Variants in ZNF292 observed in about 807,000 individuals in gnomAD.
The protein encoded by ZNF292 is zinc finger protein 292, also known as 16 zinc-finger domain protein.
Under a neutral mutation model 217.9 loss-of-function variants are expected in ZNF292, and 26 were observed. The observed-to-expected ratio is 0.12, with a 90% confidence interval of 0.09 to 0.17. The LOEUF is 0.17. Among genes scored for constraint, ZNF292 ranks in the 10% least tolerant of loss-of-function variants. The pLI is 1.00. For synonymous variants in ZNF292, 1,257 were observed against 1,124.1 expected, an observed-to-expected ratio of 1.12 and a Z score of -2.37; for missense variants, 2,904 against 3,175.2, an observed-to-expected ratio of 0.91 and a Z score of 2.05.
In ZNF292 at chr6:87,256,043, A is replaced by G. The variant is rs1775190720; in HGVS notation, c.2414A>G (p.Asn805Ser). The G allele has an allele frequency of 1.2e-6, 2 of 1,609,356 alleles. No individual in the cohort carries two copies. The highest frequency in any genetic ancestry group is 2.2e-5 in the East Asian group (1 of 44,814). The part of the protein sequence containing the change: ...LLYDHEAQHY[N>S]TYTCKFTGCG... ...TATGATCATGAAGCACAACATTATAATACGTACACTTGTAAGTTCACAGGT... is the reference window on the plus strand; with the variant it reads ...TATGATCATGAAGCACAACATTATAGTACGTACACTTGTAAGTTCACAGGT... Residue 805 changes from asparagine to serine, a missense_variant, in exon 8 of 8, where the codon AAT becomes AGT. Coordinates refer to ENST00000369577, the MANE Select transcript of ZNF292 (RefSeq NM_015021.3).
chr6:87,191,451 A>C (rs1771818970), intron 1 of ZNF292, among the ~76,000 whole-genome samples: 1 of 152,218 alleles, frequency 6.6e-6, no homozygotes, highest in African/African-American at 2.4e-5. Context: ...GTTTGTGTCA[A>C]GATACCCTTA....
Position 87,257,658 on chromosome 6 carries a change from T to G in ZNF292, c.4029T>G (p.Val1343=). The stretch of plus-strand genomic sequence containing the variant: ...CCCAACAGTCTGCACCTGAAAAAGT[T>G]AAAAAAGACCGTGGGCGGGGCCCAA... ...TNAQQSAPEK[V]KKDRGRGPNG... Residue 1343 remains valine, a synonymous_variant, in exon 8 of 8, where the codon GTT becomes GTG. Transcript: ENST00000369577. 1.9e-6 allele frequency: 3 copies of G among 1,610,174 alleles called. No individual in the cohort carries two copies. Among genetic ancestry groups the G allele is most frequent in the Non-Finnish European group, 2.5e-6 (3 of 1,178,020 alleles).
chr6:87,261,476 A>T lies in ZNF292; in HGVS notation c.7847A>T (p.Asn2616Ile). 6.2e-7 allele frequency: 1 copy of T among 1,604,558 alleles called. No individual in the cohort carries two copies. The highest frequency in any genetic ancestry group is 8.5e-7 in the Non-Finnish European group (1 of 1,174,892). ...AAAAATACTGACAAAGACCATCCGAATACTGGAAACAAAAAAGGATCCCAT... is the reference window on the plus strand; with the variant it reads ...AAAAATACTGACAAAGACCATCCGATTACTGGAAACAAAAAAGGATCCCAT... ...QKKNTDKDHP[N>I]TGNKKGSHSN... Residue 2616 changes from asparagine (N) to isoleucine (I), a missense_variant, in exon 8 of 8, where the codon AAT becomes ATT. Transcript: ENST00000369577.
At chr6:87,178,272 C>T (rs1475361354) in intron 1 of ZNF292, among the ~76,000 whole-genome samples, 1 of 152,096 alleles carries the variant, frequency 6.6e-6, no homozygotes, top group African/African-American at 2.4e-5. Context: ...AGGGAACATG[C>T]CTAGTTTGCT....
intron 4 of ZNF292, among the ~76,000 whole-genome samples, chr6:87,220,246 A>G (rs1773015238): frequency 6.6e-6 from 1 of 152,096 alleles, no homozygotes; most frequent in South Asian, 2.1e-4. Flanking sequence ...ATACTTTCTG[A>G]TCTTCTCAGC....
intron 4 of ZNF292, among the ~76,000 whole-genome samples, chr6:87,228,013 T>C (rs1773445715): frequency 6.6e-6 from 1 of 152,166 alleles, no homozygotes; most frequent in Non-Finnish European, 1.5e-5. Context: ...TTTGAGGAAC[T>C]TCTGTACTGT....
chr6:87,214,225 A>G (rs765677274), intron 1 of ZNF292, among the ~76,000 whole-genome samples: 1 of 152,172 alleles, frequency 6.6e-6, no homozygotes, highest in African/African-American at 2.4e-5. Flanking sequence ...ACCAGCTACA[A>G]TGTCATTTGT....
chr6:87,196,027 C>CAAAA (rs147308020), intron 1 of ZNF292, among the ~76,000 whole-genome samples: 1 of 95,812 alleles, frequency 1.0e-5, no homozygotes, highest in African/African-American at 3.7e-5. Context: ...GACTCCGTCT[C>CAAAA]AAAAAAAAAA....
At chr6:87,252,606 T>C (rs918650122) in intron 7 of ZNF292, among the ~76,000 whole-genome samples, 4 of 152,242 alleles carry the variant, frequency 2.6e-5, no homozygotes, top group African/African-American at 9.6e-5. Context: ...CTTTATGGTT[T>C]ACTTGGCCCT....
At chr6:87,156,016 C>G (rs1223114015) in intron 1 of ZNF292, among the ~76,000 whole-genome samples, 2 of 152,222 alleles carry the variant, frequency 1.3e-5, no homozygotes, top group African/African-American at 4.8e-5. Context: ...TCCCTGAACT[C>G]GGGACTGCGC....
intron 5 of ZNF292, 129 bp from the exon 6 acceptor site, chr6:87,243,346 A>G (rs1774407618): frequency 1.6e-6 from 1 of 637,270 alleles, no homozygotes; most frequent in African/African-American, 1.9e-5. Flanking sequence ...AACTGACTTG[A>G]TAGTGTATGA....
intron 7 of ZNF292, among the ~76,000 whole-genome samples, chr6:87,247,841 A>G (rs1331523249): frequency 6.6e-6 from 1 of 152,236 alleles, no homozygotes; most frequent in African/African-American, 2.4e-5. Flanking sequence ...GAAAGTATCA[A>G]AATGACCAAG....
At chr6:87,191,093 A>G (rs1464701875) in intron 1 of ZNF292, among the ~76,000 whole-genome samples, 4 of 152,098 alleles carry the variant, frequency 2.6e-5, no homozygotes, top group Non-Finnish European at 4.4e-5. Context: ...TAACCTAATG[A>G]TAAATCTTGG....
Position 87,239,691 on chromosome 6 carries a change from AGGGG to A in ZNF292, c.742-3783_742-3780del, listed in dbSNP as rs1324903614. Among the ~76,000 whole-genome samples, 348 of 65,106 alleles carry A rather than the reference AGGGG, an allele frequency of 5.3e-3. 49 individuals are homozygous for A. The highest frequency in any genetic ancestry group is 0.033 in the African/African-American group (328 of 9,868). The allele number at this position is 65,106 out of a possible 152,430, so 42.7% of individuals were successfully genotyped here. Reference sequence around the variant, plus strand: ...CTCAGACGGGGCGGCTGCCGGGCGGAGGGGCTCCTCACCTCCCAGACGGGGTCGC... The same window carrying A: ...CTCAGACGGGGCGGCTGCCGGGCGGACTCCTCACCTCCCAGACGGGGTCGC... On this transcript the variant is annotated intron_variant, in intron 5 of 7. Transcript: ENST00000369577.
In ZNF292 at chr6:87,258,930, T is replaced by C; in HGVS notation, c.5301T>C (p.Asn1767=). ...KTLEIIKTAM[N]SQILEVKSGS... is the part of the protein sequence containing the mutation. ...TTGAAATTATTAAAACTGCTATGAA[T>C]TCTCAAATACTTGAGGTAAAAAGTG... Residue 1767 remains asparagine (N), a synonymous_variant, in exon 8 of 8, where the codon AAT becomes AAC. Transcript: ENST00000369577. The C allele has an allele frequency of 1.9e-6, 3 of 1,611,234 alleles. No individual in the cohort carries two copies. The highest frequency in any genetic ancestry group is 1.1e-5 in the South Asian group (1 of 90,704).
In ZNF292 at chr6:87,259,256, C is replaced by T; in HGVS notation, c.5627C>T (p.Ser1876Leu). The T allele has an allele frequency of 6.2e-7, 1 of 1,613,646 alleles. No individual in the cohort carries two copies. The change falls in exon 8 of 8, where the codon TCA (serine) becomes TTA (leucine). Residue 1876 changes from serine (S) to leucine (L), a missense_variant. Around this residue, in one of 15 missense-constraint regions of ZNF292, gnomAD observed 622 missense variants for 573.1 expected, o/e 1.09. Coordinates refer to ENST00000369577, the MANE Select transcript of ZNF292 (RefSeq NM_015021.3). ...SVTLTPTPVKSTADITVIQPV... is the reference protein window; with the variant it reads ...SVTLTPTPVKLTADITVIQPV... ...ACACTGACTCCCACGCCTGTTAAAT[C>T]AACTGCAGATATCACAGTTATTCAG...
Position 87,259,717 on chromosome 6 carries a change from CA to C in ZNF292, c.6092del (p.Asn2031IlefsTer6). The stretch of plus-strand genomic sequence containing the variant: ...TGCTTTAGAATTGAGAGCAGAGACC[CA>C]AAATACCCACAGTAATGTAGCAGTG... ...QPALELRAET[Q>X]NTHSNVAVIP... On this transcript the variant is annotated frameshift_variant, in exon 8 of 8. Coordinates refer to ENST00000369577, the MANE Select transcript of ZNF292 (RefSeq NM_015021.3). LOFTEE classifies it high-confidence loss of function. The C allele has an allele frequency of 6.2e-7, 1 of 1,602,496 alleles. No homozygotes were observed. The highest frequency in any genetic ancestry group is 2.2e-5 in the East Asian group (1 of 44,528).
intron 1 of ZNF292, chr6:87,173,785 A>G (rs1771189413): frequency 6.5e-6 from 1 of 154,998 alleles, no homozygotes; most frequent in South Asian, 2.0e-4. Context: ...TTTCAGTAGC[A>G]TCTTAATCTA....
chr6:87,207,166 C>G (rs748652592), intron 1 of ZNF292, among the ~76,000 whole-genome samples: 49 of 152,318 alleles, frequency 3.2e-4, no homozygotes, highest in Middle Eastern at 6.8e-3. Context: ...CTGCTTTCAC[C>G]TAATGTTTCC....
Sources: gnomAD v4.1 joint callset for allele counts (sites outside exome capture counted in the v4.1 genomes callset) on GRCh38, gnomAD v4.1.1 for gene constraint, gnomAD v4.1.1 regional missense constraint, MANE v1.5 for transcripts, NCBI Gene and HGNC (gene_info 2026-07-23, HGNC 2026-07-21) for gene names.